Variants in LEKR1 observed in about 807,000 individuals in gnomAD.
The protein encoded by LEKR1 is protein LEKR1.
Under a neutral mutation model 72.4 loss-of-function variants are expected in LEKR1, and 59 were observed. The observed-to-expected ratio is 0.82, with a 90% confidence interval of 0.66 to 1.01. The LOEUF (loss-of-function observed/expected upper bound fraction) is 1.01. LEKR1 is among the 50% of genes least tolerant of loss of function. LEKR1 has a pLI of 0.00. For synonymous variants in LEKR1, 257 were observed against 263.2 expected (o/e 0.98, Z 0.23); for missense variants, 728 against 759.2 (o/e 0.96, Z 0.48).
intron 6 of LEKR1, among the ~76,000 whole-genome samples, chr3:156,969,368 C>T (rs967431576): frequency 2.6e-5 from 4 of 152,026 alleles, no homozygotes; most frequent in African/African-American, 7.2e-5. Context: ...AATTGATAGA[C>T]CCCTAGCAAG....
intron 6 of LEKR1, among the ~76,000 whole-genome samples, chr3:156,960,357 C>T (rs1046102895): frequency 2.6e-5 from 4 of 152,178 alleles, no homozygotes; most frequent in African/African-American, 9.6e-5. Flanking sequence ...GCGATCTCGG[C>T]TCACTGCAAC....
At chr3:156,923,798 G>A (rs1005034737) in intron 4 of LEKR1, among the ~76,000 whole-genome samples, 1 of 151,862 alleles carries the variant, frequency 6.6e-6, no homozygotes, top group Non-Finnish European at 1.5e-5. Context: ...CATGATCTTG[G>A]CTCACTGCAA....
intron 3 of LEKR1, among the ~76,000 whole-genome samples, chr3:156,866,984 G>A (rs1179783593): frequency 6.6e-6 from 1 of 151,972 alleles, no homozygotes; most frequent in Non-Finnish European, 1.5e-5. Flanking sequence ...TGAGTTACAG[G>A]TTTCATTTGG....
intron 3 of LEKR1, among the ~76,000 whole-genome samples, chr3:156,899,287 T>A (rs1023851793): frequency 6.8e-6 from 1 of 146,840 alleles, no homozygotes; most frequent in Admixed American, 6.9e-5. Context: ...TATATATACA[T>A]GTATATATAC....
chr3:156,862,346 A>C (rs76043530), intron 3 of LEKR1, among the ~76,000 whole-genome samples: 1,797 of 152,232 alleles, frequency 0.012, 19 homozygotes, highest in Non-Finnish European at 0.018. Flanking sequence ...AACAAATAAA[A>C]TAATTTTTAT....
rs186084040 is a variant in LEKR1 at position 156,913,360 on chromosome 3, T to G, written c.264-7215T>G. On this transcript the variant is annotated intron_variant, in intron 3 of 12. Coordinates refer to ENST00000356539, the MANE Select transcript of LEKR1 (RefSeq NM_001004316.3). ...GATCTTTCACCTCCTTGATTAGATG[T>G]ATTCCTAGGTATTTCCTTTTTCTGT... 2.5e-4 allele frequency among the ~76,000 whole-genome samples: 38 copies of G among 152,336 alleles called. 1 individual carries two copies. The South Asian group carries it at 5.6e-3, about 22-fold the overall frequency.
chr3:156,962,792 C>T (rs536008828), intron 6 of LEKR1, among the ~76,000 whole-genome samples: 1 of 152,266 alleles, frequency 6.6e-6, no homozygotes, highest in Admixed American at 6.5e-5. Flanking sequence ...TTTGAGATAG[C>T]TGTAATTCTG....
intron 6 of LEKR1, among the ~76,000 whole-genome samples, chr3:156,965,546 T>C (rs1576910780): frequency 6.6e-6 from 1 of 152,206 alleles, no homozygotes. Context: ...TACATCTGTA[T>C]TGAATTGCAT....
chr3:157,008,443 A>C, intron 9 of LEKR1, among the ~76,000 whole-genome samples: 1 of 152,244 alleles, frequency 6.6e-6, no homozygotes, highest in East Asian at 1.9e-4. Flanking sequence ...TTGTATATGT[A>C]TCAAATATAA....
intron 10 of LEKR1, among the ~76,000 whole-genome samples, chr3:157,011,914 G>T (rs372119010): frequency 6.6e-6 from 1 of 151,796 alleles, no homozygotes; most frequent in African/African-American, 2.4e-5. Flanking sequence ...ATTTGGTTTT[G>T]GACTTTTGAC....
intron 3 of LEKR1, among the ~76,000 whole-genome samples, chr3:156,877,624 T>C (rs924936062): frequency 2.6e-5 from 4 of 152,170 alleles, no homozygotes; most frequent in Non-Finnish European, 4.4e-5. Context: ...CATAGTAGTC[T>C]TGAATAATGT....
At chr3:157,020,866 A>G (rs1733779856) in intron 10 of LEKR1, among the ~76,000 whole-genome samples, 1 of 151,708 alleles carries the variant, frequency 6.6e-6, no homozygotes, top group Non-Finnish European at 1.5e-5. Context: ...TGACTTCCAC[A>G]ATGGTTGAAC....
chr3:157,001,847 G>A (rs1014657057), intron 9 of LEKR1, among the ~76,000 whole-genome samples: 1 of 152,196 alleles, frequency 6.6e-6, no homozygotes, highest in Non-Finnish European at 1.5e-5. Flanking sequence ...TCTAAGGAAT[G>A]AAAAGAAAGA....
intron 4 of LEKR1, chr3:156,924,524 T>G: frequency 1.5e-6 from 1 of 683,158 alleles, no homozygotes; most frequent in East Asian, 2.7e-5. Context: ...CTGTAAGAAC[T>G]CTGTCTAAGC....
At chr3:157,004,941 T>C (rs1459842769) in intron 9 of LEKR1, among the ~76,000 whole-genome samples, 1 of 151,892 alleles carries the variant, frequency 6.6e-6, no homozygotes, top group Admixed American at 6.5e-5. Context: ...GTAAAAAATA[T>C]CAGAGTTGTA....
intron 3 of LEKR1, among the ~76,000 whole-genome samples, chr3:156,895,721 C>G (rs1721113520): frequency 6.6e-6 from 1 of 151,972 alleles, no homozygotes; most frequent in South Asian, 2.1e-4. Flanking sequence ...CAGATGCTGG[C>G]AAAATTGCAG....
At chr3:156,936,426 AACACACAC>A (rs561039357) in intron 5 of LEKR1, among the ~76,000 whole-genome samples, 5 of 76,898 alleles carry the variant, frequency 6.5e-5, no homozygotes, top group African/African-American at 3.7e-4. Context: ...GTACAATGAG[AACACACAC>A]ACACACACAC....
chr3:156,831,211 GTCATTAGAAATACAAAAGCCTGAA>G (rs1215588406), intron 2 of LEKR1, among the ~76,000 whole-genome samples: 1 of 152,002 alleles, frequency 6.6e-6, no homozygotes, highest in African/African-American at 2.4e-5. Context: ...TGGGGCATCA[GTCATTAGAAATACAAAAGCCTGAA>G]AAAACATCTC....
chr3:156,862,566 T>C (rs1716890444), intron 3 of LEKR1, among the ~76,000 whole-genome samples: 1 of 152,078 alleles, frequency 6.6e-6, no homozygotes, highest in African/African-American at 2.4e-5. Flanking sequence ...AGGAATTCAG[T>C]TACCTTTCAC....
Sources: allele counts gnomAD v4.1 joint callset (sites outside exome capture counted in the v4.1 genomes callset), GRCh38; gene constraint gnomAD v4.1.1; transcripts MANE v1.5; gene names NCBI Gene and HGNC (gene_info 2026-07-23, HGNC 2026-07-21).